The following SNED1 variants were observed in gnomAD, a reference collection of about 807,000 sequenced individuals.
SNED1 encodes the protein sushi, nidogen and EGF like domains 1.
A neutral mutation model predicts 166.7 loss-of-function variants in SNED1; 81 were observed. The ratio of observed to expected loss-of-function variants is 0.49; its 90% confidence interval spans 0.41 to 0.58. The LOEUF (loss-of-function observed/expected upper bound fraction) is 0.58. SNED1 is among the 20% of genes least tolerant of loss of function. SNED1 has a pLI of 0.00. For synonymous variants in SNED1, 762 were observed against 822.0 expected, an observed-to-expected ratio of 0.93 and a Z score of 1.25; for missense variants, 1,604 against 2,000.2, an observed-to-expected ratio of 0.80 and a Z score of 3.78.
chr2:241,026,184 T>C (rs2060963771), intron 1 of SNED1, among the ~76,000 whole-genome samples: 1 of 151,776 alleles, frequency 6.6e-6, no homozygotes, highest in Non-Finnish European at 1.5e-5. Context: ...ACCAGCTAAG[T>C]TTTTTGTATT....
In SNED1 at chr2:241,051,712, C is replaced by T. The variant is rs1398322772; in HGVS notation, c.1736-32C>T. The T allele has an allele frequency of 3.5e-6, 5 of 1,437,640 alleles. No homozygotes were observed. Among genetic ancestry groups the T allele is most frequent in the Non-Finnish European group, 4.6e-6 (5 of 1,086,262 alleles). The allele number at this position is 1,437,640 out of a possible 1,614,324, so 89.1% of individuals were successfully genotyped here. ...GCTCTGTGGGGCCAGCAGCCTGGCCCCGTTCATCTGCCTCTCTGTCCTTCC... is the reference window on the plus strand; with the variant it reads ...GCTCTGTGGGGCCAGCAGCCTGGCCTCGTTCATCTGCCTCTCTGTCCTTCC... On this transcript the variant is annotated intron_variant, in intron 12 of 31. Coordinates refer to ENST00000310397, the MANE Select transcript of SNED1 (RefSeq NM_001080437.3). This position sits in a 1 kb window ranked among gnomAD's most constrained non-coding sequence, Gnocchi z 4.7.
intron 30 of SNED1, chr2:241,087,681 C>A: frequency 7.3e-7 from 1 of 1,368,984 alleles, no homozygotes. Flanking sequence ...AGGGGCACAG[C>A]CGGGCATGCT....
chr2:241,049,697 T>C (rs1428370545), intron 11 of SNED1, 120 bp from the exon 12 acceptor site: 9 of 687,960 alleles, frequency 1.3e-5, no homozygotes, highest in Non-Finnish European at 2.0e-5. Context: ...GTATTTTCAG[T>C]GGCCTTGGTT....
intron 29 of SNED1, 119 bp downstream of exon 29, chr2:241,082,483 G>A: frequency 1.4e-6 from 1 of 719,270 alleles, no homozygotes. Context: ...AGTCACAGAA[G>A]GGACTTGCTT....
rs751582250 is a variant in SNED1, at chr2:241,081,746, A to C, written c.3986A>C (p.His1329Pro). The C allele has an allele frequency of 1.2e-6, 2 of 1,607,698 alleles. No homozygotes were observed. Among genetic ancestry groups the C allele is most frequent in the Non-Finnish European group, 8.5e-7 (1 of 1,177,148 alleles). ...ACTTGTGTGCCGGGCGCAGACGCCC[A>C]CAGCTGTGACTGCGGGCCAGGGTTC... ...GGTCVPGADA[H>P]SCDCGPGFKG... The change falls in exon 28 of 32, where the codon CAC becomes CCC. Residue 1329 changes from histidine to proline, a missense_variant. By Grantham distance (77) the His-to-Pro change is moderately conservative. Transcript: ENST00000310397.
intron 1 of SNED1, among the ~76,000 whole-genome samples, chr2:241,000,439 A>C (rs10171520): frequency 0.041 from 6,289 of 152,270 alleles, 444 homozygotes; most frequent in African/African-American, 0.14. Context: ...TGACTCCTGG[A>C]AGTACGAAGT....
In SNED1 at chr2:241,064,490, C is replaced by G. The variant is rs2062358952; in HGVS notation, c.2600-354C>G. Among the ~76,000 whole-genome samples the G allele has an allele frequency of 1.3e-5, 2 of 152,198 alleles. No individual in the cohort carries two copies. The highest frequency in any genetic ancestry group is 2.9e-5 in the Non-Finnish European group (2 of 68,034). On this transcript the variant is annotated intron_variant, in intron 19 of 31. Transcript: ENST00000310397. This position sits in a 1 kb window ranked among gnomAD's most constrained non-coding sequence, Gnocchi z 7.0. ...TGGCTGTCCTTCCATCTGGAACATT[C>G]TCCCTAATCAGCCCCCAGTGGGATA... is the stretch of plus-strand genomic sequence containing the variant.
chr2:241,089,857 G>A (rs1021793626), intron 31 of SNED1: 113 of 1,443,118 alleles, frequency 7.8e-5, no homozygotes, highest in Non-Finnish European at 1.0e-4. Context: ...CATGCTCCCG[G>A]GCTACACACC....
chr2:241,073,578 G>A lies in SNED1; in HGVS notation c.3916+214G>A, dbSNP rs1462713087. On this transcript the variant is annotated intron_variant, in intron 27 of 31. Transcript: ENST00000310397. This position sits in a 1 kb window ranked among gnomAD's most constrained non-coding sequence, Gnocchi z 6.6. ...CCCCACAGACGGGAACAGGCCAGGG[G>A]GCAGGACCCACCCAAACCACCCAGA... 1.3e-5 allele frequency: 8 copies of A among 602,198 alleles called. No homozygotes were observed. Among genetic ancestry groups the A allele is most frequent in the Non-Finnish European group, 2.4e-5 (8 of 334,256 alleles). The allele number at this position is 602,198 out of a possible 1,614,324, so 37.3% of individuals were successfully genotyped here. A position where few individuals can be genotyped will look rare whatever the true frequency, so the allele number is the denominator to read the frequency against.
chr2:241,028,893 C>T (rs1414766220), intron 1 of SNED1, among the ~76,000 whole-genome samples: 2 of 151,726 alleles, frequency 1.3e-5, no homozygotes, highest in African/African-American at 4.8e-5. Flanking sequence ...TCCTTGGGTG[C>T]CCGATTATTT....
chr2:241,027,105 G>A (rs1455836909), intron 1 of SNED1, among the ~76,000 whole-genome samples: 4 of 150,786 alleles, frequency 2.7e-5, no homozygotes, highest in African/African-American at 9.8e-5. Flanking sequence ...TTTAAAGACA[G>A]GGTCTCACTC....
chr2:241,006,285 C>G (rs1463859416), intron 1 of SNED1, among the ~76,000 whole-genome samples: 1 of 152,086 alleles, frequency 6.6e-6, no homozygotes. Flanking sequence ...GTTGACATTT[C>G]CTTTTCTATC....
At position 241,036,980 on chromosome 2, in the gene SNED1, G is replaced by T. The variant is rs1436462640; in HGVS notation, c.931+65G>T. ...GCTGGGCTCAGGAGGAGCACTGTAG[G>T]CTCCGCCAGTGGCCCTGGGCGCCCA... On this transcript the variant is annotated intron_variant, in intron 5 of 31. Transcript: ENST00000310397. The T allele has an allele frequency of 5.2e-6, 8 of 1,542,052 alleles. No homozygotes were observed. The African/African-American group carries it at 6.8e-5, about 13-fold the overall frequency.
chr2:241,052,769 C>T (rs111646687), intron 15 of SNED1, among the ~76,000 whole-genome samples: 1 of 116,040 alleles, frequency 8.6e-6, no homozygotes, highest in Non-Finnish European at 1.6e-5. Context: ...AAGCAGGGTA[C>T]ATGGGATGCT....
chr2:241,084,507 A>C (rs1030221928), intron 29 of SNED1, among the ~76,000 whole-genome samples: 1 of 152,134 alleles, frequency 6.6e-6, no homozygotes, highest in Non-Finnish European at 1.5e-5. Flanking sequence ...GCATACCTTT[A>C]ATCACTAGTA....
At chr2:241,065,986 G>T (rs1374416482) in intron 21 of SNED1, among the ~76,000 whole-genome samples, 1 of 152,138 alleles carries the variant, frequency 6.6e-6, no homozygotes, top group African/African-American at 2.4e-5. Flanking sequence ...TGCTCTGAAG[G>T]CCTGGGGAGA....
Position 241,051,611 on chromosome 2 carries a change from C to A in SNED1, c.1736-133C>A. On this transcript the variant is annotated intron_variant, in intron 12 of 31. Transcript: ENST00000310397. This position sits in a 1 kb window ranked among gnomAD's most constrained non-coding sequence, Gnocchi z 4.7. ...GTGCGGACCTGCTTGGCCCCTGCTG[C>A]AGCCAGGCCCCAGGGCTTCGTCGAG... 1 of 682,876 alleles carries A rather than the reference C, an allele frequency of 1.5e-6. No individual in the cohort carries two copies. The highest frequency in any genetic ancestry group is 2.3e-6 in the Non-Finnish European group (1 of 429,720). The allele number at this position is 682,876 out of a possible 1,614,324, so 42.3% of individuals were successfully genotyped here.
chr2:241,005,564 T>A (rs1449435826), intron 1 of SNED1, among the ~76,000 whole-genome samples: 3 of 152,090 alleles, frequency 2.0e-5, no homozygotes, highest in Non-Finnish European at 4.4e-5. Flanking sequence ...ATATTTCTTA[T>A]AGTGTAGACC....
intron 16 of SNED1, among the ~76,000 whole-genome samples, chr2:241,058,055 T>TA (rs1195771443): frequency 6.6e-6 from 1 of 152,152 alleles, no homozygotes; most frequent in African/African-American, 2.4e-5. Flanking sequence ...CTAGCACTCT[T>TA]AGACATTCCT....
Sources: gnomAD v4.1 joint callset for allele counts (sites outside exome capture counted in the v4.1 genomes callset) on GRCh38, gnomAD v4.1.1 for gene constraint, Gnocchi (gnomAD v3.1) non-coding constraint, MANE v1.5 for transcripts, NCBI Gene and HGNC (gene_info 2026-07-23, HGNC 2026-07-21) for gene names.